The following HEPHL1 variants were observed in gnomAD, a reference collection of about 807,000 sequenced individuals.
The protein encoded by HEPHL1 is hephaestin like 1.
A neutral mutation model predicts 122.0 loss-of-function variants in HEPHL1; 123 were observed. The ratio of observed to expected loss-of-function variants is 1.01; its 90% CI spans 0.87 to 1.17. The LOEUF (loss-of-function observed/expected upper bound fraction) is 1.17. HEPHL1 is among the 50% of genes most tolerant of loss of function. The pLI, the probability that HEPHL1 is intolerant of heterozygous loss-of-function variation, is 0.00. For synonymous variants in HEPHL1, 527 were observed against 508.9 expected, an observed-to-expected ratio of 1.04 and a Z score of -0.48; for missense variants, 1,452 against 1,430.5, an observed-to-expected ratio of 1.01 and a Z score of -0.24.
At chr11:94,094,950 G>A (rs959845330) in intron 13 of HEPHL1, among the ~76,000 whole-genome samples, 4 of 152,158 alleles carry the variant, frequency 2.6e-5, no homozygotes, top group Non-Finnish European at 4.4e-5. Flanking sequence ...TAGATTACCT[G>A]TTCACTCTGA....
At chr11:94,095,316 A>G (rs1197460430) in intron 13 of HEPHL1, among the ~76,000 whole-genome samples, 2 of 151,970 alleles carry the variant, frequency 1.3e-5, no homozygotes, top group East Asian at 1.9e-4. Context: ...GATGTGTGGT[A>G]TTATTTCTGA....
At chr11:94,024,450 G>T (rs527757534) in intron 1 of HEPHL1, among the ~76,000 whole-genome samples, 2 of 152,148 alleles carry the variant, frequency 1.3e-5, no homozygotes, top group African/African-American at 2.4e-5. Context: ...AAAGATTTTT[G>T]CAATGGTGAA....
Position 94,105,977 on chromosome 11 carries a change from A to G in HEPHL1, c.2906-14A>G, listed in dbSNP as rs1362670602. The G allele has an allele frequency of 6.5e-7, 1 of 1,540,102 alleles. No homozygotes were observed. Among genetic ancestry groups the G allele is most frequent in the South Asian group, 1.3e-5 (1 of 79,988 alleles). ...TTAACTAACCAAAGGTTATTTTCTTATCACCTTTTAAAGCCATTAATGGAA... is the reference window on the plus strand; with the variant it reads ...TTAACTAACCAAAGGTTATTTTCTTGTCACCTTTTAAAGCCATTAATGGAA... On this transcript the variant is annotated splice_polypyrimidine_tract_variant and intron_variant, in intron 16 of 19. Coordinates refer to ENST00000315765, the MANE Select transcript of HEPHL1 (RefSeq NM_001098672.2).
intron 11 of HEPHL1, among the ~76,000 whole-genome samples, chr11:94,087,007 T>C (rs1176625366): frequency 6.6e-6 from 1 of 152,254 alleles, no homozygotes. Context: ...CCACTGGAAC[T>C]GCAGTTTAGA....
At chr11:94,039,626 G>A (rs1317220353) in intron 1 of HEPHL1, among the ~76,000 whole-genome samples, 6 of 151,370 alleles carry the variant, frequency 4.0e-5, no homozygotes, top group Non-Finnish European at 5.9e-5. Flanking sequence ...TGACAACTGG[G>A]TACATAACGA....
intron 4 of HEPHL1, among the ~76,000 whole-genome samples, chr11:94,065,546 C>T (rs1262329006): frequency 6.6e-6 from 1 of 151,946 alleles, no homozygotes; most frequent in African/African-American, 2.4e-5. Flanking sequence ...TTTTTTCCTT[C>T]TAGTGGTATT....
At position 94,098,823 on chromosome 11, in the gene HEPHL1, C is replaced by T. The variant is rs192165850; in HGVS notation, c.2435-2372C>T. The stretch of plus-strand genomic sequence containing the variant: ...ATCGAATCGGCTACTGAAGCTTGTG[C>T]ATTCATTATGTAGTTCTCGTGCCAT... On this transcript the variant is annotated intron_variant, in intron 13 of 19. Coordinates refer to ENST00000315765, the MANE Select transcript of HEPHL1 (RefSeq NM_001098672.2). Among the ~76,000 whole-genome samples the T allele has an allele frequency of 8.3e-4, 127 of 152,286 alleles. No individual in the cohort carries two copies. The East Asian group carries it at 0.017, about 20-fold the overall frequency.
In HEPHL1 at chr11:94,111,570, G is replaced by C; in HGVS notation, c.3242G>C (p.Gly1081Ala). The C allele has an allele frequency of 6.2e-7, 1 of 1,605,970 alleles. No individual in the cohort carries two copies. Among genetic ancestry groups the C allele is most frequent in the South Asian group, 1.1e-5 (1 of 89,434 alleles). ...ATTCCTTACTCCACCACATCTCCTG[G>C]AGTGGCATCTCACCCAGCCACGGTG... The part of the protein sequence containing the change: ...NRIPYSTTSP[G>A]VASHPATVPS... The change falls in exon 19 of 20, where the codon GGA (glycine) becomes GCA (alanine). Residue 1081 changes from glycine (G) to alanine (A), a missense_variant. By Grantham distance (60) the Gly-to-Ala change is moderately conservative. Coordinates refer to ENST00000315765, the MANE Select transcript of HEPHL1 (RefSeq NM_001098672.2).
intron 9 of HEPHL1, 98 bp downstream of exon 9, chr11:94,075,483 A>C: frequency 1.2e-6 from 1 of 843,384 alleles, no homozygotes; most frequent in Non-Finnish European, 1.9e-6. Flanking sequence ...ACAAAAAGCA[A>C]TTTGTCTTTC....
At chr11:94,090,978 T>C (rs181072330) in intron 12 of HEPHL1, among the ~76,000 whole-genome samples, 2 of 152,324 alleles carry the variant, frequency 1.3e-5, no homozygotes, top group East Asian at 3.9e-4. Context: ...GGGAAGTTTA[T>C]GCAGTGGGAG....
chr11:94,110,532 A>G (rs1364551310), intron 17 of HEPHL1, among the ~76,000 whole-genome samples: 1 of 152,228 alleles, frequency 6.6e-6, no homozygotes, highest in Non-Finnish European at 1.5e-5. Context: ...TATCTAACAC[A>G]GAAGTAATGA....
intron 9 of HEPHL1, among the ~76,000 whole-genome samples, chr11:94,079,658 C>T (rs1946153047): frequency 6.6e-6 from 1 of 152,172 alleles, no homozygotes; most frequent in Non-Finnish European, 1.5e-5. Flanking sequence ...GGATGCAGAA[C>T]ACAGCAAGTG....
At chr11:94,069,595 A>G (rs753295089) in intron 5 of HEPHL1, among the ~76,000 whole-genome samples, 2 of 152,214 alleles carry the variant, frequency 1.3e-5, no homozygotes, top group Non-Finnish European at 2.9e-5. Flanking sequence ...TTACAAATAT[A>G]TCAGAAACAC....
At chr11:94,081,000 A>T (rs945107326) in intron 9 of HEPHL1, among the ~76,000 whole-genome samples, 2 of 152,228 alleles carry the variant, frequency 1.3e-5, no homozygotes, top group African/African-American at 4.8e-5. Flanking sequence ...GTATGTGTTC[A>T]TTGCAGCACT....
At chr11:94,106,736 G>A (rs570633778) in intron 17 of HEPHL1, among the ~76,000 whole-genome samples, 9 of 152,134 alleles carry the variant, frequency 5.9e-5, no homozygotes, top group Admixed American at 2.6e-4. Flanking sequence ...ATGAAACCAC[G>A]GACACTGACA....
intron 4 of HEPHL1, 24 bp from the exon 5 acceptor site, chr11:94,067,472 C>CG: frequency 6.2e-7 from 1 of 1,609,064 alleles, no homozygotes; most frequent in Non-Finnish European, 8.5e-7. Context: ...GGAGTCTCTT[C>CG]CACTAGCGTG....
At chr11:94,036,914 G>A (rs2134408594) in intron 1 of HEPHL1, among the ~76,000 whole-genome samples, 1 of 152,082 alleles carries the variant, frequency 6.6e-6, no homozygotes. Flanking sequence ...CCCAGCGTGA[G>A]CGACACAGAA....
intron 13 of HEPHL1, among the ~76,000 whole-genome samples, chr11:94,096,627 G>A (rs1247125482): frequency 1.3e-5 from 2 of 152,140 alleles, no homozygotes; most frequent in African/African-American, 2.4e-5. Flanking sequence ...GGTAGAATTC[G>A]GCTGTAAATA....
At chr11:94,059,385 T>C (rs1028457790) in intron 2 of HEPHL1, among the ~76,000 whole-genome samples, 1 of 152,150 alleles carries the variant, frequency 6.6e-6, no homozygotes, top group African/African-American at 2.4e-5. Flanking sequence ...AATTGCTGGT[T>C]GTATATACTT....
Sources: gnomAD v4.1 joint callset for allele counts (sites outside exome capture counted in the v4.1 genomes callset) on GRCh38, gnomAD v4.1.1 for gene constraint, MANE v1.5 for transcripts, NCBI Gene and HGNC (gene_info 2026-07-23, HGNC 2026-07-21) for gene names.